The following PPP2R5C variants were observed in gnomAD, a reference collection of about 807,000 sequenced individuals.
PPP2R5C encodes the protein protein phosphatase 2 regulatory subunit B'gamma, also known as serine/threonine-protein phosphatase 2A 56 kDa regulatory subunit gamma isoform.
In PPP2R5C, 7 loss-of-function variants were observed where a neutral mutation model predicts 68.9. The observed-to-expected ratio is 0.10, with a 90% CI of 0.06 to 0.19. PPP2R5C has a LOEUF of 0.19. Ranked by LOEUF, PPP2R5C falls within the 10% of genes least tolerant of loss-of-function variation. The pLI, the probability that PPP2R5C is intolerant of heterozygous loss-of-function variation, is 1.00. For synonymous variants in PPP2R5C, 210 were observed against 222.2 expected, an observed-to-expected ratio of 0.95 and a Z score of 0.49; for missense variants, 348 against 641.3, an observed-to-expected ratio of 0.54 and a Z score of 4.94.
intron 2 of PPP2R5C, 71 bp downstream of exon 4, chr14:101,856,956 C>A: frequency 1.4e-6 from 2 of 1,420,824 alleles, no homozygotes; most frequent in Non-Finnish European, 2.0e-6. Flanking sequence ...GATCTCTGAG[C>A]CTAACACAGT....
intron 5 of PPP2R5C, among the ~76,000 whole-genome samples, chr14:101,884,687 G>A (rs1037800026): frequency 6.6e-6 from 1 of 152,156 alleles, no homozygotes; most frequent in Non-Finnish European, 1.5e-5. Flanking sequence ...CTCCTTCCAC[G>A]CCAGGGCTCT....
intron 3 of PPP2R5C, 66 bp downstream of exon 3, chr14:101,786,249 A>G (rs2038083333): frequency 6.2e-5 from 84 of 1,361,330 alleles, no homozygotes; most frequent in Non-Finnish European, 8.1e-5. Context: ...ATGTTTTGAT[A>G]GTGTGCTAAT....
In PPP2R5C at chr14:101,761,919, A is replaced by G. The variant is rs774235394; in HGVS notation, c.26A>G (p.Lys9Arg). Residue 9 changes from lysine to arginine, a missense_variant and splice_region_variant, in exon 1 of 15, where the codon AAA (lysine) becomes AGA (arginine). By Grantham distance (26) the Lys-to-Arg change is conservative. Transcript: ENST00000328724. ...ATGCCGAATAAAAACAAGAAGGAGAAAGTGAGTCCGGGCCCGGCCGCGGGA... is the reference window on the plus strand; with the variant it reads ...ATGCCGAATAAAAACAAGAAGGAGAGAGTGAGTCCGGGCCCGGCCGCGGGA... The G allele has an allele frequency of 4.2e-6, 5 of 1,180,218 alleles. No homozygotes were observed. The African/African-American group carries it at 6.6e-5, about 16-fold the overall frequency. The allele number at this position is 1,180,218 out of a possible 1,614,324, so 73.1% of individuals were successfully genotyped here.
At chr14:101,768,548 T>C (rs1312872586) in intron 2 of PPP2R5C, among the ~76,000 whole-genome samples, 1 of 152,178 alleles carries the variant, frequency 6.6e-6, no homozygotes, top group Non-Finnish European at 1.5e-5. Flanking sequence ...AAAAGTGGCA[T>C]GGCTCTGTTT....
At chr14:101,766,952 C>T (rs887910429) in intron 2 of PPP2R5C, 2 of 152,314 alleles carry the variant, frequency 1.3e-5, no homozygotes, top group Middle Eastern at 3.4e-3. Context: ...AGTGTGTGTA[C>T]TGTGTCCAAT....
chr14:101,858,878 T>G (rs1025690466), intron 2 of PPP2R5C, among the ~76,000 whole-genome samples: 2 of 152,104 alleles, frequency 1.3e-5, no homozygotes, highest in African/African-American at 2.4e-5. Flanking sequence ...TGAAACCGCC[T>G]CTCGTTTGTA....
chr14:101,831,720 C>G (rs1248412371), intron 1 of PPP2R5C: 1 of 698,104 alleles, frequency 1.4e-6, no homozygotes, highest in Non-Finnish European at 2.6e-6. Flanking sequence ...GCACAAGATT[C>G]GAGACCTATG....
rs1206673122 is a variant in PPP2R5C, at chr14:101,913,151, C to T, written c.1326+678C>T. On this transcript the variant is annotated intron_variant, in intron 12 of 13. Coordinates refer to ENST00000334743, the Ensembl canonical transcript of PPP2R5C. This position sits in a 1 kb window ranked among gnomAD's most constrained non-coding sequence, Gnocchi z 4.1. Reference sequence around the variant, plus strand: ...GCTGTAAATGACTAGAGCGTTATGACAGTTTCTTCACGTTCTGTGTGCCTG... The same window carrying T: ...GCTGTAAATGACTAGAGCGTTATGATAGTTTCTTCACGTTCTGTGTGCCTG... Among the ~76,000 whole-genome samples, 3 of 152,200 alleles carry T rather than the reference C, an allele frequency of 2.0e-5. No individual in the cohort carries two copies. Among genetic ancestry groups the T allele is most frequent in the African/African-American group, 4.8e-5 (2 of 41,454 alleles).
upstream of PPP2R5C, chr14:101,761,795 GCGGCGGCCGCGGGGGCGCGA>G (rs2036552084): frequency 2.1e-6 from 2 of 972,310 alleles, no homozygotes; most frequent in South Asian, 9.2e-5. Context: ...GGCGGCGGCG[GCGGCGGCCGCGGGGGCGCGA>G]CGGCCGGGGC....
chr14:101,768,660 A>G (rs922586738), intron 2 of PPP2R5C, among the ~76,000 whole-genome samples: 1 of 151,954 alleles, frequency 6.6e-6, no homozygotes, highest in Admixed American at 6.6e-5. Flanking sequence ...AACTCCCCAT[A>G]ATGACGCTTT....
chr14:101,766,413 AG>A (rs1367752619), intron 2 of PPP2R5C: 2 of 152,230 alleles, frequency 1.3e-5, no homozygotes, highest in African/African-American at 4.8e-5. Context: ...GATAAGTTTA[AG>A]ATTAGGCTAT....
intron 2 of PPP2R5C, among the ~76,000 whole-genome samples, chr14:101,780,021 C>T (rs931881475): frequency 6.6e-6 from 1 of 152,200 alleles, no homozygotes; most frequent in Non-Finnish European, 1.5e-5. Flanking sequence ...TGCAACCCAT[C>T]TTGTCTTATC....
chr14:101,841,382 T>C (rs1353277775), intron 1 of PPP2R5C, among the ~76,000 whole-genome samples: 4 of 152,190 alleles, frequency 2.6e-5, no homozygotes, highest in Admixed American at 6.5e-5. Context: ...ACTTGGACCA[T>C]AGGGAGCAAG....
chr14:101,814,573 G>C (rs1168261830), intron 1 of PPP2R5C, among the ~76,000 whole-genome samples: 1 of 152,154 alleles, frequency 6.6e-6, no homozygotes, highest in Non-Finnish European at 1.5e-5. Context: ...TTACCATCCA[G>C]CTTGGGTCTA....
At chr14:101,848,429 G>A (rs2041965558) in intron 1 of PPP2R5C, among the ~76,000 whole-genome samples, 1 of 152,028 alleles carries the variant, frequency 6.6e-6, no homozygotes, top group South Asian at 2.1e-4. Flanking sequence ...TACTCAGGAG[G>A]CTGAGGCAGG....
chr14:101,889,293 A>G (rs1435205867), intron 5 of PPP2R5C, among the ~76,000 whole-genome samples: 1 of 152,178 alleles, frequency 6.6e-6, no homozygotes, highest in African/African-American at 2.4e-5. Context: ...CTCTCACTGC[A>G]TGCAGGATAC....
chr14:101,841,044 A>T (rs534804230), intron 1 of PPP2R5C, among the ~76,000 whole-genome samples: 1 of 152,306 alleles, frequency 6.6e-6, no homozygotes, highest in East Asian at 1.9e-4. Context: ...GACATGCTAT[A>T]TTTCAGGGAT....
Position 101,882,295 on chromosome 14 carries a change from T to G in PPP2R5C, c.405+24T>G, listed in dbSNP as rs1228374992. 6.4e-7 allele frequency: 1 copy of G among 1,556,878 alleles called. No homozygotes were observed. The highest frequency in any genetic ancestry group is 8.8e-7 in the Non-Finnish European group (1 of 1,136,682). ...AGGTATCGGGCTCTGGGTGATAGAC[T>G]CGGAGGGCACTGGTGACACATGGGA... On this transcript the variant is annotated intron_variant, in intron 3 of 13. Transcript: ENST00000334743. This position sits in a 1 kb window ranked among gnomAD's most constrained non-coding sequence, Gnocchi z 4.9.
chr14:101,809,880 A>C (rs1471051419), upstream of PPP2R5C: 12 of 1,555,554 alleles, frequency 7.7e-6, 1 homozygote, highest in Non-Finnish European at 1.0e-5. Flanking sequence ...TTTTTTTTTT[A>C]AACTAAAATG....
Sources: allele counts gnomAD v4.1 joint callset (sites outside exome capture counted in the v4.1 genomes callset), GRCh38; gene constraint gnomAD v4.1.1; non-coding constraint Gnocchi (gnomAD v3.1); transcripts MANE v1.5; gene names NCBI Gene and HGNC (gene_info 2026-07-23, HGNC 2026-07-21).